Variants in ERG observed in about 807,000 individuals in gnomAD.
ERG encodes the protein ETS transcription factor ERG.
ERG carries 9 observed loss-of-function variants against 55.3 expected under a neutral mutation model. The observed-to-expected ratio is 0.16, with a 90% CI of 0.10 to 0.28. ERG has a LOEUF of 0.28. Among genes scored for constraint, ERG ranks in the 10% least tolerant of loss-of-function variants. The pLI is 1.00. For missense variants in ERG, 434 were observed against 631.6 expected (o/e 0.69, Z 3.35); for synonymous variants, 223 against 237.3 (o/e 0.94, Z 0.55).
intron 2 of ERG, among the ~76,000 whole-genome samples, chr21:38,520,150 T>A (rs1347174386): frequency 6.6e-6 from 1 of 152,156 alleles, no homozygotes; most frequent in African/African-American, 2.4e-5. Flanking sequence ...GGGATAACCT[T>A]GCCTTGCAGT....
At chr21:38,606,107 A>G (rs2060195464) in intron 1 of ERG, among the ~76,000 whole-genome samples, 1 of 152,132 alleles carries the variant, frequency 6.6e-6, no homozygotes, top group Non-Finnish European at 1.5e-5. Context: ...GATTGATAGA[A>G]GATAGGTAGA....
At chr21:38,552,321 T>C (rs570488586) in intron 2 of ERG, among the ~76,000 whole-genome samples, 16 of 152,102 alleles carry the variant, frequency 1.1e-4, no homozygotes, top group Non-Finnish European at 2.4e-4. Flanking sequence ...GACTCCTCCT[T>C]AACCTCATTT....
At chr21:38,642,589 T>C (rs1473518503) in intron 1 of ERG, among the ~76,000 whole-genome samples, 2 of 152,172 alleles carry the variant, frequency 1.3e-5, no homozygotes, top group Admixed American at 1.3e-4. Flanking sequence ...TCCTTTGTAT[T>C]AATAGGTAAC....
chr21:38,604,121 C>T (rs543499370), intron 1 of ERG, among the ~76,000 whole-genome samples: 7 of 151,786 alleles, frequency 4.6e-5, no homozygotes, highest in African/African-American at 1.5e-4. Context: ...GGCATGGTAG[C>T]GGGCGCCTGT....
chr21:38,398,964 AAT>A (rs1988360241), intron 6 of ERG, among the ~76,000 whole-genome samples: 1 of 152,252 alleles, frequency 6.6e-6, no homozygotes, highest in Non-Finnish European at 1.5e-5. Flanking sequence ...ATGTTTTGGA[AAT>A]AGTTTTTATT....
intron 1 of ERG, among the ~76,000 whole-genome samples, chr21:38,466,300 GGTGTGT>G (rs145670035): frequency 7.1e-5 from 10 of 140,682 alleles, no homozygotes; most frequent in Admixed American, 5.0e-4. Context: ...GATGGTCTGG[GGTGTGT>G]GTGTGTGTGT....
chr21:38,463,642 G>A (rs142056855), intron 1 of ERG, among the ~76,000 whole-genome samples: 1 of 152,338 alleles, frequency 6.6e-6, no homozygotes, highest in Non-Finnish European at 1.5e-5. Flanking sequence ...AGAATGGGGT[G>A]TACTGGGTAA....
intron 3 of ERG, among the ~76,000 whole-genome samples, chr21:38,406,154 C>CAAAAAAAGAAAAA (rs1988759062): frequency 1.1e-5 from 1 of 95,080 alleles, no homozygotes; most frequent in Non-Finnish European, 2.0e-5. Context: ...GACTCCATCT[C>CAAAAAAAGAAAAA]AAAAAAAAAA....
At chr21:38,565,438 A>G (rs146406933) in intron 2 of ERG, among the ~76,000 whole-genome samples, 1 of 152,316 alleles carries the variant, frequency 6.6e-6, no homozygotes, top group Non-Finnish European at 1.5e-5. Context: ...AAATGCCCTT[A>G]TCCTTGCTTA....
At chr21:38,437,864 G>T (rs1338603679) in intron 2 of ERG, among the ~76,000 whole-genome samples, 4 of 152,072 alleles carry the variant, frequency 2.6e-5, no homozygotes, top group Non-Finnish European at 5.9e-5. Flanking sequence ...ATTTTCTCAG[G>T]AAGACTTCAA....
At chr21:38,485,648 TG>T (rs2059277224) in intron 1 of ERG, among the ~76,000 whole-genome samples, 1 of 151,238 alleles carries the variant, frequency 6.6e-6, no homozygotes, top group Admixed American at 6.6e-5. Context: ...TTAGTAGAGA[TG>T]GGGTTTCACT....
intron 9 of ERG, among the ~76,000 whole-genome samples, chr21:38,386,485 TTA>T (rs2146417999): frequency 6.6e-6 from 1 of 152,370 alleles, no homozygotes; most frequent in South Asian, 2.1e-4. Flanking sequence ...ACAATGGTTG[TTA>T]AAAAATTGTC....
At chr21:38,507,775 T>C (rs1379837174) in intron 2 of ERG, among the ~76,000 whole-genome samples, 1 of 152,136 alleles carries the variant, frequency 6.6e-6, no homozygotes, top group Admixed American at 6.5e-5. Flanking sequence ...TCTTTAGGAA[T>C]GTGGCCAGGC....
At chr21:38,646,584 T>C (rs1334855580) in intron 1 of ERG, among the ~76,000 whole-genome samples, 1 of 152,202 alleles carries the variant, frequency 6.6e-6, no homozygotes, top group East Asian at 1.9e-4. Flanking sequence ...GTAACTCTGC[T>C]TAAGTGATCC....
chr21:38,427,448 T>C (rs779875040), intron 2 of ERG, among the ~76,000 whole-genome samples: 53 of 152,192 alleles, frequency 3.5e-4, no homozygotes, highest in Admixed American at 1.2e-3. Flanking sequence ...TTAATAGTTA[T>C]CAGTCTTCAC....
chr21:38,572,509 A>G (rs1215681796), intron 2 of ERG, among the ~76,000 whole-genome samples: 1 of 152,196 alleles, frequency 6.6e-6, no homozygotes, highest in Admixed American at 6.5e-5. Flanking sequence ...GTGGAAGAAA[A>G]TTATCCTCCC....
intron 1 of ERG, among the ~76,000 whole-genome samples, chr21:38,659,328 T>C (rs1359975901): frequency 6.6e-6 from 1 of 152,264 alleles, no homozygotes; most frequent in Non-Finnish European, 1.5e-5. Flanking sequence ...TATTAATAAT[T>C]TGACACATGG....
chr21:38,629,324 G>T (rs1326150263), intron 1 of ERG, among the ~76,000 whole-genome samples: 1 of 152,228 alleles, frequency 6.6e-6, no homozygotes, highest in African/African-American at 2.4e-5. Flanking sequence ...TATGAAAGGT[G>T]CAAACCTTTC....
At chr21:38,471,846 A>G (rs2146623741) in intron 1 of ERG, 1 of 152,276 alleles carries the variant, frequency 6.6e-6, no homozygotes, top group East Asian at 1.9e-4. Flanking sequence ...TATCCAACAA[A>G]CCTATTTGTG....
Sources: allele counts gnomAD v4.1 joint callset (sites outside exome capture counted in the v4.1 genomes callset), GRCh38; gene constraint gnomAD v4.1.1; transcripts MANE v1.5; gene names NCBI Gene and HGNC (gene_info 2026-07-23, HGNC 2026-07-21).